GRIN2A: variants seen among roughly 807,000 people sequenced by gnomAD.
GRIN2A encodes glutamate ionotropic receptor NMDA type subunit 2A, also known as glutamate receptor ionotropic, NMDA 2A.
A neutral mutation model predicts 113.4 loss-of-function variants in GRIN2A; 22 were observed. That is an observed-to-expected ratio of 0.19 (90% CI 0.14 to 0.28). GRIN2A has a LOEUF of 0.28. Among genes scored for constraint, GRIN2A ranks in the 10% least tolerant of loss-of-function variants. The probability of loss-of-function intolerance (pLI) is 1.00; values close to 1 mark genes in which losing one functional copy is unlikely to be tolerated. For missense variants in GRIN2A, 1,502 were observed against 1,887.0 expected (o/e 0.80, Z 3.78); for synonymous variants, 827 against 738.4 (o/e 1.12, Z -1.94).
chr16:10,007,810 G>A (rs372761259), intron 2 of GRIN2A, among the ~76,000 whole-genome samples: 16 of 152,264 alleles, frequency 1.1e-4, no homozygotes, highest in African/African-American at 3.4e-4. Context: ...GATTTGAAAG[G>A]AAGAAAATAT....
At chr16:9,948,358 C>T (rs921050559) in intron 2 of GRIN2A, among the ~76,000 whole-genome samples, 2 of 152,190 alleles carry the variant, frequency 1.3e-5, no homozygotes, top group Non-Finnish European at 2.9e-5. Context: ...CGGGTGGGGG[C>T]TGGGGCATTG....
intron 2 of GRIN2A, among the ~76,000 whole-genome samples, chr16:10,149,884 T>C (rs2049531792): frequency 6.6e-6 from 1 of 152,230 alleles, no homozygotes; most frequent in African/African-American, 2.4e-5. Flanking sequence ...ACTGCTCTTT[T>C]AAAAAGTTTA....
At chr16:10,014,656 A>G (rs1430566757) in intron 2 of GRIN2A, among the ~76,000 whole-genome samples, 1 of 152,198 alleles carries the variant, frequency 6.6e-6, no homozygotes, top group Non-Finnish European at 1.5e-5. Context: ...GGAGTTAACG[A>G]GATGAGGATG....
At chr16:9,972,307 G>A (rs1297392091) in intron 2 of GRIN2A, among the ~76,000 whole-genome samples, 13 of 152,098 alleles carry the variant, frequency 8.5e-5, no homozygotes, top group Non-Finnish European at 2.9e-5. Context: ...CCACAATATA[G>A]CATTCACAAA....
At chr16:10,119,601 G>C (rs1292059682) in intron 2 of GRIN2A, among the ~76,000 whole-genome samples, 1 of 152,168 alleles carries the variant, frequency 6.6e-6, no homozygotes, top group African/African-American at 2.4e-5. Flanking sequence ...AGGTTCAGGG[G>C]TACATGTGCA....
chr16:10,168,138 A>G (rs1192832822), intron 2 of GRIN2A, among the ~76,000 whole-genome samples: 1 of 152,208 alleles, frequency 6.6e-6, no homozygotes, highest in Non-Finnish European at 1.5e-5. Context: ...TCTGTAGATG[A>G]GCTTCTTAGC....
At chr16:10,107,754 C>T (rs1186597826) in intron 2 of GRIN2A, among the ~76,000 whole-genome samples, 2 of 152,184 alleles carry the variant, frequency 1.3e-5, no homozygotes, top group Non-Finnish European at 2.9e-5. Flanking sequence ...CCATCGTTGC[C>T]CTGCTGAGCT....
intron 2 of GRIN2A, among the ~76,000 whole-genome samples, chr16:9,987,692 C>T (rs1459324070): frequency 6.6e-6 from 1 of 152,168 alleles, no homozygotes; most frequent in African/African-American, 2.4e-5. Context: ...AGGTCTCATT[C>T]ATGTGAGATC....
chr16:9,791,685 C>A (rs530215840), intron 11 of GRIN2A, among the ~76,000 whole-genome samples: 1 of 152,166 alleles, frequency 6.6e-6, no homozygotes, highest in African/African-American at 2.4e-5. Context: ...TATGAGAATT[C>A]TAATTAGATA....
At chr16:10,171,856 T>C (rs1596577255) in intron 2 of GRIN2A, among the ~76,000 whole-genome samples, 1 of 152,214 alleles carries the variant, frequency 6.6e-6, no homozygotes, top group African/African-American at 2.4e-5. Context: ...GCTATTATTG[T>C]TCCCATTTTA....
intron 6 of GRIN2A, 30 bp from the exon 7 acceptor site, chr16:9,840,830 AAAAGAG>A (rs2042662936): frequency 2.3e-6 from 3 of 1,309,248 alleles, no homozygotes; most frequent in African/African-American, 3.3e-5. Context: ...AAAAAAAAAA[AAAAGAG>A]AGAGAGAGAA....
intron 2 of GRIN2A, among the ~76,000 whole-genome samples, chr16:10,067,816 G>A (rs2047677819): frequency 6.6e-6 from 1 of 152,122 alleles, no homozygotes; most frequent in Non-Finnish European, 1.5e-5. Flanking sequence ...CTACTAGCAT[G>A]GCATGGGTAG....
At chr16:10,031,300 G>C (rs1446643908) in intron 2 of GRIN2A, 1 of 152,242 alleles carries the variant, frequency 6.6e-6, no homozygotes, top group African/African-American at 2.4e-5. Flanking sequence ...CTGCCCCCTG[G>C]AAAGCCCTTC....
intron 2 of GRIN2A, among the ~76,000 whole-genome samples, chr16:10,098,507 T>C (rs938682639): frequency 2.0e-5 from 3 of 152,120 alleles, no homozygotes; most frequent in African/African-American, 7.2e-5. Flanking sequence ...TGCACACACA[T>C]GTTTACAGCA....
At chr16:9,994,542 A>C (rs2046186113) in intron 2 of GRIN2A, among the ~76,000 whole-genome samples, 1 of 152,198 alleles carries the variant, frequency 6.6e-6, no homozygotes, top group Admixed American at 6.5e-5. Context: ...TGAAGCAGGG[A>C]AACTGGACAG....
chr16:10,129,066 A>G (rs1056522468), intron 2 of GRIN2A, among the ~76,000 whole-genome samples: 4 of 151,902 alleles, frequency 2.6e-5, no homozygotes, highest in African/African-American at 9.7e-5. Flanking sequence ...TTTTTTAAGC[A>G]CCTACTACGT....
At chr16:10,125,551 G>A (rs1236324397) in intron 2 of GRIN2A, among the ~76,000 whole-genome samples, 1 of 150,474 alleles carries the variant, frequency 6.6e-6, no homozygotes, top group Non-Finnish European at 1.5e-5. Context: ...GTACAGCAGA[G>A]ATTCTCCTAC....
At chr16:9,852,229 C>T (rs569128231) in intron 4 of GRIN2A, among the ~76,000 whole-genome samples, 520 of 152,310 alleles carry the variant, frequency 3.4e-3, no homozygotes, top group African/African-American at 0.011. Flanking sequence ...AGAGTTATAA[C>T]GTGGGGCTTT....
At chr16:10,039,808 G>GGGGAGAGAGAGAGAGAGA (rs1555469298) in intron 2 of GRIN2A, among the ~76,000 whole-genome samples, 1 of 63,812 alleles carries the variant, frequency 1.6e-5, no homozygotes, top group Non-Finnish European at 2.9e-5. Context: ...GGGAGGGGGG[G>GGGGAGAGAGAGAGAGAGA]GAGAAAGAGA....
Sources: allele counts gnomAD v4.1 joint callset (sites outside exome capture counted in the v4.1 genomes callset), GRCh38; gene constraint gnomAD v4.1.1; transcripts MANE v1.5; gene names NCBI Gene and HGNC (gene_info 2026-07-23, HGNC 2026-07-21).